Variants in ENOX1 observed in about 807,000 individuals in gnomAD.
The protein encoded by ENOX1 is candidate growth-related and time keeping constitutive hydroquinone (NADH) oxidase.
In ENOX1, 42 loss-of-function variants were observed where a neutral mutation model predicts 82.5. The ratio of observed to expected loss-of-function variants is 0.51; its 90% CI spans 0.40 to 0.66. The LOEUF (loss-of-function observed/expected upper bound fraction) is 0.66. Ranked by LOEUF, ENOX1 falls within the 30% of genes least tolerant of loss-of-function variation. The probability of loss-of-function intolerance (pLI) is 0.00; values close to 1 mark genes in which losing one functional copy is unlikely to be tolerated. For synonymous variants in ENOX1, 271 were observed against 282.2 expected (o/e 0.96, Z 0.40); for missense variants, 608 against 811.6 (o/e 0.75, Z 3.05).
chr13:43,594,865 A>T (rs545351070), intron 2 of ENOX1, among the ~76,000 whole-genome samples: 2 of 152,180 alleles, frequency 1.3e-5, no homozygotes, highest in East Asian at 3.9e-4. Flanking sequence ...TGCTGCAAGG[A>T]GCATGGGTGA....
intron 2 of ENOX1, among the ~76,000 whole-genome samples, chr13:43,556,029 TGG>T (rs1367362083): frequency 6.6e-6 from 1 of 152,228 alleles, no homozygotes; most frequent in Non-Finnish European, 1.5e-5. Context: ...TGCTGTCTTT[TGG>T]GGATGGCTTC....
At chr13:43,548,008 A>G (rs919302239) in intron 2 of ENOX1, 2 of 152,222 alleles carry the variant, frequency 1.3e-5, no homozygotes, top group African/African-American at 4.8e-5. Context: ...AGTATATGCA[A>G]ACACAATAAA....
intron 11 of ENOX1, chr13:43,321,239 C>A: frequency 2.3e-6 from 1 of 429,388 alleles, no homozygotes; most frequent in South Asian, 1.7e-5. Context: ...CACCCTGTAG[C>A]CACTAGACGT....
At chr13:43,405,314 C>A (rs2053728953) in intron 5 of ENOX1, among the ~76,000 whole-genome samples, 1 of 152,144 alleles carries the variant, frequency 6.6e-6, no homozygotes, top group Non-Finnish European at 1.5e-5. Flanking sequence ...CTGAGAGCTT[C>A]TTCCTAATTT....
chr13:43,234,110 C>T (rs2042410315), intron 15 of ENOX1, among the ~76,000 whole-genome samples: 1 of 152,096 alleles, frequency 6.6e-6, no homozygotes, highest in Admixed American at 6.6e-5. Context: ...TTTATGGACG[C>T]AAGATTCAGG....
intron 2 of ENOX1, among the ~76,000 whole-genome samples, chr13:43,618,988 T>A (rs2082607170): frequency 6.6e-6 from 1 of 151,306 alleles, no homozygotes; most frequent in Non-Finnish European, 1.5e-5. Flanking sequence ...TTTTTTTTTT[T>A]TTTTTTTTTG....
chr13:43,660,066 C>G (rs2084645955), intron 2 of ENOX1, among the ~76,000 whole-genome samples: 1 of 152,138 alleles, frequency 6.6e-6, no homozygotes, highest in Non-Finnish European at 1.5e-5. Context: ...AACTTTCAAC[C>G]AATACTTCTC....
chr13:43,661,674 T>C (rs1379525551), intron 2 of ENOX1, among the ~76,000 whole-genome samples: 1 of 152,108 alleles, frequency 6.6e-6, no homozygotes, highest in Non-Finnish European at 1.5e-5. Context: ...GCAGTAAAAA[T>C]GTGAGAGAAC....
chr13:43,461,641 G>C (rs2057491098), intron 3 of ENOX1, among the ~76,000 whole-genome samples: 1 of 152,194 alleles, frequency 6.6e-6, no homozygotes, highest in African/African-American at 2.4e-5. Flanking sequence ...TCTTCATAGA[G>C]CAGGTATGAT....
At chr13:43,611,063 C>T (rs1200306792) in intron 2 of ENOX1, among the ~76,000 whole-genome samples, 2 of 152,162 alleles carry the variant, frequency 1.3e-5, no homozygotes, top group African/African-American at 4.8e-5. Context: ...GGCAGCAACT[C>T]TTACTGTTAT....
At chr13:43,555,098 C>A (rs2079375620) in intron 2 of ENOX1, among the ~76,000 whole-genome samples, 1 of 108,604 alleles carries the variant, frequency 9.2e-6, no homozygotes, top group South Asian at 3.8e-4. Context: ...CTATTGGTAT[C>A]CCAAAATAGT....
intron 1 of ENOX1, among the ~76,000 whole-genome samples, chr13:43,673,460 C>T (rs572338628): frequency 2.0e-4 from 30 of 152,288 alleles, no homozygotes; most frequent in Admixed American, 7.2e-4. Flanking sequence ...TCATAGTTTA[C>T]AAGGATAAAG....
intron 11 of ENOX1, among the ~76,000 whole-genome samples, chr13:43,314,002 A>AATG (rs1566489063): frequency 6.6e-6 from 1 of 152,170 alleles, no homozygotes; most frequent in African/African-American, 2.4e-5. Context: ...AAGACCCTGC[A>AATG]ATGCCCTGCC....
At chr13:43,767,007 T>A (rs1951317090) in intron 1 of ENOX1, among the ~76,000 whole-genome samples, 1 of 151,978 alleles carries the variant, frequency 6.6e-6, no homozygotes, top group Admixed American at 6.6e-5. Context: ...CTAATCTGCA[T>A]CCTTTCAATA....
At chr13:43,403,859 TAAAA>T (rs2053635958) in intron 5 of ENOX1, among the ~76,000 whole-genome samples, 1 of 151,302 alleles carries the variant, frequency 6.6e-6, no homozygotes, top group African/African-American at 2.4e-5. Flanking sequence ...AATAAATAAA[TAAAA>T]AGAAAGAAAA....
chr13:43,424,608 T>C (rs2055174595), intron 3 of ENOX1, among the ~76,000 whole-genome samples: 1 of 152,202 alleles, frequency 6.6e-6, no homozygotes, highest in African/African-American at 2.4e-5. Context: ...GAATAAAGCA[T>C]TAGCCCTGCA....
intron 3 of ENOX1, among the ~76,000 whole-genome samples, chr13:43,451,581 A>T (rs539376429): frequency 6.6e-6 from 1 of 152,206 alleles, no homozygotes; most frequent in African/African-American, 2.4e-5. Flanking sequence ...ATTTTATCAT[A>T]GCCTTCACAA....
chr13:43,216,777 A>G (rs730747), intron 16 of ENOX1, among the ~76,000 whole-genome samples: 33,625 of 152,158 alleles, frequency 0.22, 4,261 homozygotes, highest in Non-Finnish European at 0.29. Flanking sequence ...TGTGCCATTC[A>G]TTAGGGAGGG....
chr13:43,518,139 A>G (rs1204856065), intron 2 of ENOX1, among the ~76,000 whole-genome samples: 2 of 152,270 alleles, frequency 1.3e-5, no homozygotes, highest in African/African-American at 4.8e-5. Flanking sequence ...CAATCTAAGA[A>G]GTGCATTCCT....
Sources: gnomAD v4.1 joint callset for allele counts (sites outside exome capture counted in the v4.1 genomes callset) on GRCh38, gnomAD v4.1.1 for gene constraint, MANE v1.5 for transcripts, NCBI Gene and HGNC (gene_info 2026-07-23, HGNC 2026-07-21) for gene names.